KDM2B: variants seen among roughly 807,000 people sequenced by gnomAD.
The protein encoded by KDM2B is lysine-specific demethylase 2B.
Under a neutral mutation model 150.0 loss-of-function variants are expected in KDM2B, and 26 were observed. That is an observed-to-expected ratio of 0.17 (90% CI 0.13 to 0.24). The LOEUF (loss-of-function observed/expected upper bound fraction) is 0.24, where lower values mean the gene tolerates loss of function less well. KDM2B is among the 10% of genes least tolerant of loss of function. The pLI is 1.00. For missense variants in KDM2B, 1,265 were observed against 1,816.9 expected, an observed-to-expected ratio of 0.70 and a Z score of 5.52; for synonymous variants, 734 against 729.5, an observed-to-expected ratio of 1.01 and a Z score of -0.10.
At position 121,549,835 on chromosome 12, in the gene KDM2B, C is replaced by A. The variant is rs1889344774; in HGVS notation, c.398-197G>T. 6.7e-6 allele frequency among the ~76,000 whole-genome samples: 1 copy of A among 148,688 alleles called. No individual in the cohort carries two copies. Among genetic ancestry groups the A allele is most frequent in the Non-Finnish European group, 1.5e-5 (1 of 67,438 alleles). ...TCCCACCCACCTTGCTTCCCTGCACCACCATGGCCTCCACGCCAGTCTGCG... is the reference window on the plus strand; with the variant it reads ...TCCCACCCACCTTGCTTCCCTGCACAACCATGGCCTCCACGCCAGTCTGCG... On this transcript the variant is annotated intron_variant, in intron 4 of 22. Coordinates refer to ENST00000377071, the MANE Select transcript of KDM2B (RefSeq NM_032590.5). This position sits in a 1 kb window ranked among gnomAD's most constrained non-coding sequence, Gnocchi z 4.4.
chr12:121,556,970 A>G (rs1289876951), intron 4 of KDM2B, among the ~76,000 whole-genome samples: 2 of 152,142 alleles, frequency 1.3e-5, no homozygotes, highest in African/African-American at 4.8e-5. Flanking sequence ...GGATTAGCTA[A>G]GATTATGACC....
At chr12:121,461,627 A>T (rs1196625828) in intron 12 of KDM2B, among the ~76,000 whole-genome samples, 3 of 152,170 alleles carry the variant, frequency 2.0e-5, no homozygotes, top group African/African-American at 7.2e-5. Flanking sequence ...CTTGAGCAAC[A>T]GAAGAACAAG....
chr12:121,491,742 C>T (rs1192767137), intron 12 of KDM2B, among the ~76,000 whole-genome samples: 1 of 144,964 alleles, frequency 6.9e-6, no homozygotes, highest in Admixed American at 7.1e-5. Flanking sequence ...GGCAGTGAGC[C>T]GAGATTGCAC....
chr12:121,483,731 AC>A (rs1882422234), intron 12 of KDM2B, among the ~76,000 whole-genome samples: 1 of 152,028 alleles, frequency 6.6e-6, no homozygotes, highest in Admixed American at 6.6e-5. Flanking sequence ...ACACACACAC[AC>A]ACACAAACAC....
At position 121,467,845 on chromosome 12, in the gene KDM2B, C is replaced by T. The variant is rs1014883984; in HGVS notation, c.1735-14501G>A. The T allele has an allele frequency of 3.3e-5, 5 of 152,432 alleles. No homozygotes were observed. In the East Asian group the frequency reaches 9.7e-4, roughly 29 times the overall value. 9.4% of individuals were successfully genotyped at this position (152,432 alleles called of 1,614,324 possible). A position where few individuals can be genotyped will look rare whatever the true frequency, so the allele number is the denominator to read the frequency against. ...ACACGGGCTGCCGGGTTTGCACTCGCTGCAGGACCAGGACCTGAAGCGCAC... is the reference window on the plus strand; with the variant it reads ...ACACGGGCTGCCGGGTTTGCACTCGTTGCAGGACCAGGACCTGAAGCGCAC... On this transcript the variant is annotated intron_variant, in intron 12 of 22. Coordinates refer to ENST00000377071, the MANE Select transcript of KDM2B (RefSeq NM_032590.5). The surrounding 1 kb of genome is among the most constrained non-coding windows in gnomAD (Gnocchi z 5.1).
intron 4 of KDM2B, among the ~76,000 whole-genome samples, chr12:121,559,486 G>A (rs782588849): frequency 1.1e-4 from 16 of 152,286 alleles, no homozygotes; most frequent in Admixed American, 2.6e-4. Flanking sequence ...CAGCCCCCAC[G>A]GGGCAGCAGG....
At chr12:121,501,410 G>T (rs1884532058) in intron 11 of KDM2B, among the ~76,000 whole-genome samples, 2 of 151,950 alleles carry the variant, frequency 1.3e-5, no homozygotes, top group Non-Finnish European at 2.9e-5. Context: ...TAAATACAAA[G>T]ACCAAAAATA....
At chr12:121,443,372 G>T in intron 17 of KDM2B, 1 of 577,942 alleles carries the variant, frequency 1.7e-6, no homozygotes, top group Non-Finnish European at 3.1e-6. Context: ...AGCAGGAATG[G>T]CTAGAGCTGG....
chr12:121,533,104 T>C lies in KDM2B; in HGVS notation c.778-145A>G. On this transcript the variant is annotated intron_variant, in intron 7 of 22. Coordinates refer to ENST00000377071, the MANE Select transcript of KDM2B (RefSeq NM_032590.5). The surrounding 1 kb of genome is among the most constrained non-coding windows in gnomAD (Gnocchi z 4.1). The stretch of plus-strand genomic sequence containing the variant: ...TGTGGAGAGATGGCAGATCCATCCC[T>C]CTGGACTCTCTGCAAGGCCAGGTCC... The C allele has an allele frequency of 1.3e-6, 1 of 752,214 alleles. No individual in the cohort carries two copies. The highest frequency in any genetic ancestry group is 1.8e-5 in the African/African-American group (1 of 57,014). 46.6% of individuals were successfully genotyped at this position (752,214 alleles called of 1,614,324 possible).
At chr12:121,481,199 G>C (rs1882093309) in intron 12 of KDM2B, among the ~76,000 whole-genome samples, 1 of 151,948 alleles carries the variant, frequency 6.6e-6, no homozygotes, top group Non-Finnish European at 1.5e-5. Context: ...CCAAATTGTT[G>C]GGTGGTGTGA....
intron 9 of KDM2B, chr12:121,516,920 A>T: frequency 1.5e-6 from 1 of 655,978 alleles, no homozygotes; most frequent in South Asian, 1.7e-5. Context: ...TGGTAGGGGG[A>T]AGGGGAGAGG....
chr12:121,559,907 A>G (rs551719593), intron 4 of KDM2B, among the ~76,000 whole-genome samples: 1 of 152,082 alleles, frequency 6.6e-6, no homozygotes, highest in Admixed American at 6.5e-5. Flanking sequence ...CCATCTCAAA[A>G]AAAAAAAAAA....
intron 6 of KDM2B, among the ~76,000 whole-genome samples, chr12:121,540,414 A>T (rs1213954962): frequency 1.3e-5 from 2 of 152,150 alleles, no homozygotes; most frequent in African/African-American, 4.8e-5. Context: ...CAATGTAGAC[A>T]TAAAAGCCCC....
chr12:121,569,085 C>G (rs1025069200), intron 4 of KDM2B, among the ~76,000 whole-genome samples: 1 of 152,228 alleles, frequency 6.6e-6, no homozygotes, highest in Non-Finnish European at 1.5e-5. Flanking sequence ...GCTGCGACCC[C>G]GCAATGACTG....
intron 8 of KDM2B, among the ~76,000 whole-genome samples, chr12:121,523,619 C>T (rs556396296): frequency 3.9e-5 from 6 of 152,334 alleles, no homozygotes; most frequent in South Asian, 2.1e-4. Context: ...GCACAGACTG[C>T]GGGGCCACTG....
intron 4 of KDM2B, among the ~76,000 whole-genome samples, chr12:121,569,724 GC>G (rs1555315618): frequency 6.6e-6 from 1 of 152,204 alleles, no homozygotes; most frequent in Non-Finnish European, 1.5e-5. Flanking sequence ...GTTCAGAGCA[GC>G]TGTCCCTCTG....
intron 11 of KDM2B, among the ~76,000 whole-genome samples, chr12:121,506,102 T>TG (rs1885049148): frequency 6.8e-6 from 1 of 148,140 alleles, no homozygotes. Context: ...CTAGAACTCC[T>TG]GGGCTCAAGT....
chr12:121,428,701 C>G (rs1312106725), downstream of KDM2B, among the ~76,000 whole-genome samples: 1 of 152,154 alleles, frequency 6.6e-6, no homozygotes, highest in Non-Finnish European at 1.5e-5. Context: ...AAAAAAAATT[C>G]CGTAATCTAA....
At chr12:121,546,819 C>T (rs1051108456) in intron 6 of KDM2B, among the ~76,000 whole-genome samples, 1 of 151,338 alleles carries the variant, frequency 6.6e-6, no homozygotes, top group Non-Finnish European at 1.5e-5. Flanking sequence ...AAATCTTCTG[C>T]TTCCTGCAGC....
Sources: gnomAD v4.1 joint callset for allele counts (sites outside exome capture counted in the v4.1 genomes callset) on GRCh38, gnomAD v4.1.1 for gene constraint, Gnocchi (gnomAD v3.1) non-coding constraint, MANE v1.5 for transcripts, NCBI Gene and HGNC (gene_info 2026-07-23, HGNC 2026-07-21) for gene names.